Variants in SMARCA4 observed in about 807,000 individuals in gnomAD.
SMARCA4 encodes SWI/SNF related BAF chromatin remodeling complex subunit ATPase 4.
Under a neutral mutation model 193.9 loss-of-function variants are expected in SMARCA4, and 31 were observed. The ratio of observed to expected loss-of-function variants is 0.16; its 90% CI spans 0.12 to 0.22. The LOEUF is 0.22. Among genes scored for constraint, SMARCA4 ranks in the 10% least tolerant of loss-of-function variants. The probability of loss-of-function intolerance (pLI) is 1.00; values close to 1 mark genes in which losing one functional copy is unlikely to be tolerated. For missense variants in SMARCA4, 1,148 were observed against 2,296.0 expected, an observed-to-expected ratio of 0.50 and a Z score of 10.22; for synonymous variants, 942 against 933.1, an observed-to-expected ratio of 1.01 and a Z score of -0.17.
At chr19:11,057,678 G>A (rs767311141) in intron 30 of SMARCA4, among the ~76,000 whole-genome samples, 1 of 151,952 alleles carries the variant, frequency 6.6e-6, no homozygotes, top group African/African-American at 2.4e-5. Flanking sequence ...GCAGTGAGCC[G>A]AGATCATTCC....
In SMARCA4 at chr19:11,009,007, C is replaced by CTTTTTTTTTTTTTTTT. The variant is rs762148337; in HGVS notation, c.2123+1003_2123+1018dup. ...AAAAAATGTAGGTGGATAAAAGTCA[C>CTTTTTTTTTTTTTTTT]TTTTTTTTTTTTTTTTTTTTTTTTT... is the stretch of plus-strand genomic sequence containing the variant. On this transcript the variant is annotated intron_variant, in intron 14 of 34. Coordinates refer to ENST00000344626, the MANE Select transcript of SMARCA4 (RefSeq NM_003072.5). 2.4e-4 allele frequency among the ~76,000 whole-genome samples: 10 copies of CTTTTTTTTTTTTTTTT among 40,956 alleles called. 2 individuals are homozygous for CTTTTTTTTTTTTTTTT. The highest frequency in any genetic ancestry group is 9.8e-4 in the Admixed American group (2 of 2,042). 26.9% of individuals were successfully genotyped at this position (40,956 alleles called of 152,430 possible). A position where few individuals can be genotyped will look rare whatever the true frequency, so the allele number is the denominator to read the frequency against.
chr19:10,990,136 T>G (rs2086428917), intron 7 of SMARCA4, among the ~76,000 whole-genome samples: 1 of 151,946 alleles, frequency 6.6e-6, no homozygotes, highest in Non-Finnish European at 1.5e-5. Context: ...ACTATAGGCG[T>G]GCACCATTAC....
intron 29 of SMARCA4, among the ~76,000 whole-genome samples, chr19:11,038,414 C>T (rs2075387853): frequency 6.6e-6 from 1 of 152,236 alleles, no homozygotes; most frequent in Non-Finnish European, 1.5e-5. Context: ...CCGCTCCGCC[C>T]TGGGTCTGCA....
intron 23 of SMARCA4, among the ~76,000 whole-genome samples, chr19:11,027,376 TG>T (rs1220225182): frequency 6.6e-6 from 1 of 152,162 alleles, no homozygotes; most frequent in African/African-American, 2.4e-5. Context: ...CCCTTCCTTC[TG>T]GGTCTAGCAG....
intron 30 of SMARCA4, among the ~76,000 whole-genome samples, chr19:11,057,074 C>T (rs767222937): frequency 1.1e-4 from 17 of 152,238 alleles, no homozygotes; most frequent in Non-Finnish European, 2.4e-4. Context: ...AGCTCAGCTC[C>T]TCCTTCCCAT....
Position 10,984,040 on chromosome 19 carries a change from G to T in SMARCA4, c.-31-81G>T. 1 of 1,039,044 alleles carries T rather than the reference G, an allele frequency of 9.6e-7. No homozygotes were observed. The highest frequency in any genetic ancestry group is 1.3e-5 in the South Asian group (1 of 75,428). 64.4% of individuals were successfully genotyped at this position (1,039,044 alleles called of 1,614,324 possible). A position where few individuals can be genotyped will look rare whatever the true frequency, so the allele number is the denominator to read the frequency against. On this transcript the variant is annotated intron_variant, in intron 1 of 34. Transcript: ENST00000344626. The surrounding 1 kb of genome is among the most constrained non-coding windows in gnomAD (Gnocchi z 4.3). ...TCCTGTGGGATGTAGATTCTGATGT[G>T]ACCGTATGATTGTCCCTTGCTATCC...
Position 11,023,567 on chromosome 19 carries a change from A to G in SMARCA4, c.2909A>G (p.Lys970Arg), listed in dbSNP as rs2146453525. 1 of 1,613,694 alleles carries G rather than the reference A, an allele frequency of 6.2e-7. No homozygotes were observed. The highest frequency in any genetic ancestry group is 8.5e-7 in the Non-Finnish European group (1 of 1,179,834). Residue 970 changes from lysine to arginine, a missense_variant, in exon 20 of 35, where the codon AAA (lysine) becomes AGA (arginine). By Grantham distance (26) the Lys-to-Arg change is conservative (BLOSUM62 2). Around this residue, in one of 17 missense-constraint regions of SMARCA4, gnomAD observed 74 missense variants for 392.3 expected, o/e 0.19. Coordinates refer to ENST00000344626, the MANE Select transcript of SMARCA4 (RefSeq NM_003072.5). Reference sequence around the variant, plus strand: ...ATTCTCATCATCCGGCGTCTCCACAAAGTGCTGCGGCCCTTCTTGCTCCGA... The same window carrying G: ...ATTCTCATCATCCGGCGTCTCCACAGAGTGCTGCGGCCCTTCTTGCTCCGA... ...ETILIIRRLH[K>R]VLRPFLLRRL... is the part of the protein sequence containing the mutation.
intron 18 of SMARCA4, chr19:11,021,297 C>G (rs1478407229): frequency 8.6e-6 from 3 of 349,700 alleles, no homozygotes; most frequent in Non-Finnish European, 1.7e-5. Flanking sequence ...TTCTGAACCA[C>G]AGGCTGCTCA....
chr19:10,995,413 A>T, intron 9 of SMARCA4: 2 of 462,842 alleles, frequency 4.3e-6, no homozygotes, highest in South Asian at 1.5e-5. Flanking sequence ...GTACGGGGAC[A>T]TGGCCCCTGC....
intron 16 of SMARCA4, among the ~76,000 whole-genome samples, chr19:11,013,500 G>A: frequency 6.6e-6 from 1 of 152,112 alleles, no homozygotes; most frequent in Non-Finnish European, 1.5e-5. Context: ...TGGGGGTCAG[G>A]ACTGCTCCAC....
intron 8 of SMARCA4, among the ~76,000 whole-genome samples, chr19:10,994,066 G>T (rs1219489956): frequency 1.3e-4 from 20 of 151,760 alleles, no homozygotes; most frequent in Non-Finnish European, 4.4e-5. Flanking sequence ...TTGAGATGGA[G>T]TCTCACTCTG....
At chr19:11,006,389 G>T (rs1305530580) in intron 13 of SMARCA4, among the ~76,000 whole-genome samples, 1 of 152,218 alleles carries the variant, frequency 6.6e-6, no homozygotes, top group African/African-American at 2.4e-5. Context: ...CAGACATATT[G>T]TAGATGGTTG....
intron 29 of SMARCA4, among the ~76,000 whole-genome samples, chr19:11,035,342 C>T (rs2075206321): frequency 6.6e-6 from 1 of 152,214 alleles, no homozygotes; most frequent in African/African-American, 2.4e-5. Flanking sequence ...AAGAAGGACC[C>T]ACGGTTCCTG....
chr19:11,009,147 G>A (rs1165733508), intron 14 of SMARCA4, among the ~76,000 whole-genome samples: 1 of 148,446 alleles, frequency 6.7e-6, no homozygotes, highest in African/African-American at 2.5e-5. Flanking sequence ...TCGGCCTCCT[G>A]AGTAGCTGGC....
At chr19:11,053,330 G>A (rs1024805391) in intron 30 of SMARCA4, among the ~76,000 whole-genome samples, 1 of 151,584 alleles carries the variant, frequency 6.6e-6, no homozygotes, top group African/African-American at 2.4e-5. Context: ...CTCAAAATAC[G>A]TAAGTTAGCC....
intron 14 of SMARCA4, among the ~76,000 whole-genome samples, 171 bp from the exon 15 acceptor site, chr19:11,010,210 G>A (rs1359919864): frequency 1.3e-5 from 2 of 152,162 alleles, no homozygotes; most frequent in South Asian, 2.1e-4. Context: ...GGCTTAGTGC[G>A]GGCTGCCCTG....
Position 11,010,462 on chromosome 19 carries a change from C to T in SMARCA4, c.2205C>T (p.Ala735=), listed in dbSNP as rs774655261. The change falls in exon 15 of 35, where the codon GCC becomes GCT. Residue 735 remains alanine, a synonymous_variant. Transcript: ENST00000344626. ...ARGLQSYYAV[A]HAVTERVDKQ... ...GCCTGCAGTCCTACTATGCCGTGGC[C>T]CATGCTGTCACTGAGAGAGTGGACA... The T allele has an allele frequency of 3.7e-6, 6 of 1,613,966 alleles. No homozygotes were observed. The highest frequency in any genetic ancestry group is 5.1e-6 in the Non-Finnish European group (6 of 1,179,986).
At position 11,008,973 on chromosome 19, in the gene SMARCA4, CA is replaced by C. The variant is rs558392151; in HGVS notation, c.2123+964del. Among the ~76,000 whole-genome samples the C allele has an allele frequency of 5.5e-3, 274 of 49,974 alleles. 2 individuals are homozygous for C. The highest frequency in any genetic ancestry group is 9.1e-3 in the African/African-American group (107 of 11,716). The allele number at this position is 49,974 out of a possible 152,430, so 32.8% of individuals were successfully genotyped here. ...TGGGCAACAGAGGGAGACTCCATCT[CA>C]AAAAAAAAAAAAATGTAGGTGGATA... is the stretch of plus-strand genomic sequence containing the variant. On this transcript the variant is annotated intron_variant, in intron 14 of 34. Transcript: ENST00000344626.
rs1599967587 is a variant in SMARCA4, at chr19:10,987,739, T to A, written c.933T>A (p.Pro311=). 2 of 1,602,030 alleles carry A rather than the reference T, an allele frequency of 1.2e-6. No homozygotes were observed. The highest frequency in any genetic ancestry group is 1.7e-6 in the Non-Finnish European group (2 of 1,173,726). ...TTCCCCCGCAGCCAACGGGCCGCCC[T>A]TCCCCCGCGCCCCCTGCCGTCCCAC... ...KLIPPQPTGR[P]SPAPPAVPPA... is the part of the protein sequence containing the mutation. Residue 311 remains proline (P), a synonymous_variant, in exon 6 of 35, where the codon CCT becomes CCA. Transcript: ENST00000344626. The surrounding 1 kb of genome is among the most constrained non-coding windows in gnomAD (Gnocchi z 5.3).
Sources: gnomAD v4.1 joint callset for allele counts (sites outside exome capture counted in the v4.1 genomes callset) on GRCh38, gnomAD v4.1.1 for gene constraint, gnomAD v4.1.1 regional missense constraint, Gnocchi (gnomAD v3.1) non-coding constraint, MANE v1.5 for transcripts, NCBI Gene and HGNC (gene_info 2026-07-23, HGNC 2026-07-21) for gene names.